HPSE2: variants seen among roughly 807,000 people sequenced by gnomAD.
The protein encoded by HPSE2 is heparanase 2 (inactive), also known as inactive heparanase-2.
Under a neutral mutation model 60.5 loss-of-function variants are expected in HPSE2, and 38 were observed. That is an observed-to-expected ratio of 0.63 (90% CI 0.48 to 0.82). The LOEUF (loss-of-function observed/expected upper bound fraction) is 0.82. HPSE2 is among the 40% of genes least tolerant of loss of function. HPSE2 has a pLI of 0.00. For synonymous variants in HPSE2, 295 were observed against 293.2 expected, an observed-to-expected ratio of 1.01 and a Z score of -0.06; for missense variants, 713 against 740.4, an observed-to-expected ratio of 0.96 and a Z score of 0.43.
intron 2 of HPSE2, among the ~76,000 whole-genome samples, chr10:99,176,813 T>C (rs1390450188): frequency 3.3e-5 from 5 of 151,484 alleles, no homozygotes; most frequent in African/African-American, 1.2e-4. Context: ...CCAAGACACA[T>C]AATGATCAGA....
intron 3 of HPSE2, among the ~76,000 whole-genome samples, chr10:99,133,625 C>G (rs1448465316): frequency 2.6e-5 from 4 of 152,130 alleles, no homozygotes; most frequent in East Asian, 1.9e-4. Context: ...CCAGCAAACT[C>G]CAGCAGACCA....
intron 3 of HPSE2, among the ~76,000 whole-genome samples, chr10:98,885,472 C>A (rs1953138418): frequency 1.3e-5 from 2 of 152,068 alleles, no homozygotes; most frequent in Non-Finnish European, 2.9e-5. Flanking sequence ...GCATCATGTG[C>A]TACAGAGAAA....
chr10:98,974,724 A>C (rs1956045411), intron 3 of HPSE2, among the ~76,000 whole-genome samples: 1 of 152,194 alleles, frequency 6.6e-6, no homozygotes, highest in Non-Finnish European at 1.5e-5. Flanking sequence ...TATTCATCAT[A>C]AAGTATCCAT....
intron 3 of HPSE2, among the ~76,000 whole-genome samples, chr10:99,028,412 CCTAGGAATTA>C (rs1957425465): frequency 2.6e-5 from 4 of 151,550 alleles, no homozygotes; most frequent in African/African-American, 7.3e-5. Context: ...CAAATAAATA[CCTAGGAATTA>C]ACCAAAGAAG....
At chr10:98,514,723 T>G (rs963230233) in intron 9 of HPSE2, among the ~76,000 whole-genome samples, 11 of 145,742 alleles carry the variant, frequency 7.5e-5, no homozygotes, top group African/African-American at 2.3e-4. Flanking sequence ...TTTTTTTTTT[T>G]TTTTTTTTTT....
intron 9 of HPSE2, among the ~76,000 whole-genome samples, chr10:98,567,861 TCCTGCAGG>T (rs1225312785): frequency 6.6e-6 from 1 of 152,136 alleles, no homozygotes; most frequent in East Asian, 1.9e-4. Context: ...ACTAGCTACC[TCCTGCAGG>T]CCCTGTCAAA....
rs72831950 is a variant in HPSE2 at position 98,629,174 on chromosome 10, G to C, written c.1099-8466C>G. 7.0e-3 allele frequency among the ~76,000 whole-genome samples: 1,060 copies of C among 152,304 alleles called. 8 individuals are homozygous for C. The highest frequency in any genetic ancestry group is 0.027 in the South Asian group (131 of 4,828). On this transcript the variant is annotated intron_variant, in intron 7 of 11. Transcript: ENST00000370552. ...AAGGAAGCAATAAAACAGGAATAGC[G>C]GACAGGCCAGCTGGGCTAATCAGCC...
chr10:99,288,522 T>C, the HPSE2 span, among the ~76,000 whole-genome samples: 235 of 152,054 alleles, frequency 1.5e-3, 1 homozygote, highest in African/African-American at 5.3e-3. Flanking sequence ...ATAAGACATA[T>C]AACTGATGAA....
chr10:99,214,383 G>C (rs529357866), intron 2 of HPSE2, among the ~76,000 whole-genome samples: 2 of 152,222 alleles, frequency 1.3e-5, no homozygotes, highest in Admixed American at 6.5e-5. Context: ...GAAAACATAT[G>C]TCCATACAAA....
chr10:99,199,476 G>A (rs576395980), intron 2 of HPSE2, among the ~76,000 whole-genome samples: 5 of 152,032 alleles, frequency 3.3e-5, no homozygotes, highest in East Asian at 3.9e-4. Context: ...ATAAGGGTCC[G>A]ATTTTATTCT....
chr10:98,831,303 C>T (rs837726), intron 3 of HPSE2, among the ~76,000 whole-genome samples: 129,724 of 152,092 alleles, frequency 0.85, 55,710 homozygotes, highest in African/African-American at 0.95. Context: ...TCAGGGCTGA[C>T]AGTGTGCTTC....
chr10:99,177,897 A>G (rs1380663381), intron 2 of HPSE2, among the ~76,000 whole-genome samples: 2 of 152,126 alleles, frequency 1.3e-5, no homozygotes, highest in Non-Finnish European at 2.9e-5. Flanking sequence ...CAGATGCAAA[A>G]GAACAAAAAT....
At chr10:99,012,943 C>T (rs1486427064) in intron 3 of HPSE2, among the ~76,000 whole-genome samples, 1 of 152,202 alleles carries the variant, frequency 6.6e-6, no homozygotes, top group Admixed American at 6.5e-5. Context: ...GGTGAGACTT[C>T]ATCTTTGTTT....
At chr10:98,856,489 G>GA (rs1047475971) in intron 3 of HPSE2, among the ~76,000 whole-genome samples, 72 of 151,858 alleles carry the variant, frequency 4.7e-4, no homozygotes, top group African/African-American at 1.6e-3. Context: ...GCAGCTAGAG[G>GA]AAAAAAATGC....
chr10:99,154,889 A>T (rs1846466305), intron 2 of HPSE2, among the ~76,000 whole-genome samples: 1 of 152,174 alleles, frequency 6.6e-6, no homozygotes, highest in Non-Finnish European at 1.5e-5. Context: ...ATAGGCTCAA[A>T]ATAAAGGGAT....
At chr10:98,716,136 T>C (rs1948783537) in intron 5 of HPSE2, among the ~76,000 whole-genome samples, 1 of 151,998 alleles carries the variant, frequency 6.6e-6, no homozygotes, top group African/African-American at 2.4e-5. Context: ...ATTTGCTCAT[T>C]TATGAGCAAC....
At chr10:99,276,488 A>G in the HPSE2 span, among the ~76,000 whole-genome samples, 1 of 152,230 alleles carries the variant, frequency 6.6e-6, no homozygotes, top group Middle Eastern at 3.4e-3. Context: ...GTCTCAAATA[A>G]CCTATTAGCC....
intron 3 of HPSE2, among the ~76,000 whole-genome samples, chr10:99,000,242 A>G (rs1956747067): frequency 6.6e-6 from 1 of 152,140 alleles, no homozygotes. Flanking sequence ...TGATAGTGGG[A>G]TCATTAACAG....
At chr10:99,186,420 G>A (rs1008327887) in intron 2 of HPSE2, among the ~76,000 whole-genome samples, 2 of 151,706 alleles carry the variant, frequency 1.3e-5, no homozygotes, top group African/African-American at 4.8e-5. Context: ...TCAGGTGCCT[G>A]TAGTCCGAGC....
Sources: allele counts gnomAD v4.1 joint callset (sites outside exome capture counted in the v4.1 genomes callset), GRCh38; gene constraint gnomAD v4.1.1; transcripts MANE v1.5; gene names NCBI Gene and HGNC (gene_info 2026-07-23, HGNC 2026-07-21).